OTUD7B: variants seen among roughly 807,000 people sequenced by gnomAD.
OTUD7B encodes OTU deubiquitinase 7B.
In OTUD7B, 34 loss-of-function variants were observed where a neutral mutation model predicts 82.2. The ratio of observed to expected loss-of-function variants is 0.41; its 90% CI spans 0.31 to 0.55. OTUD7B has a LOEUF of 0.55. Ranked by LOEUF, OTUD7B falls within the 20% of genes least tolerant of loss-of-function variation. The pLI, the probability that OTUD7B is intolerant of heterozygous loss-of-function variation, is 0.20. For synonymous variants in OTUD7B, 398 were observed against 402.7 expected, an observed-to-expected ratio of 0.99 and a Z score of 0.14; for missense variants, 944 against 1,062.1, an observed-to-expected ratio of 0.89 and a Z score of 1.55.
intron 7 of OTUD7B, among the ~76,000 whole-genome samples, chr1:149,950,684 C>G (rs146751613): frequency 6.6e-6 from 1 of 152,246 alleles, no homozygotes; most frequent in East Asian, 1.9e-4. Flanking sequence ...GCTTCACCAT[C>G]TATCCAGTAG....
intron 1 of OTUD7B, among the ~76,000 whole-genome samples, chr1:149,993,266 A>G (rs1341468065): frequency 3.3e-5 from 5 of 152,240 alleles, no homozygotes; most frequent in African/African-American, 1.2e-4. Context: ...GCCCACCATC[A>G]GTACAGTAGT....
chr1:150,044,673 A>AAAAAATAAT, the OTUD7B span, among the ~76,000 whole-genome samples: 2 of 149,020 alleles, frequency 1.3e-5, no homozygotes, highest in African/African-American at 5.0e-5. Context: ...CTGTCTCAAA[A>AAAAAATAAT]AATAATAATA....
intron 2 of OTUD7B, among the ~76,000 whole-genome samples, chr1:149,974,567 GT>G (rs1331075233): frequency 0.017 from 2,203 of 131,494 alleles, 147 homozygotes; most frequent in African/African-American, 0.058. Flanking sequence ...TTTTTTTTTT[GT>G]AGACAGAGTC....
the OTUD7B span, among the ~76,000 whole-genome samples, chr1:150,061,044 A>G: frequency 5.4e-4 from 2 of 3,730 alleles, no homozygotes; most frequent in African/African-American, 2.3e-3. Flanking sequence ...AAAAAACAAA[A>G]AACAAAAAAA....
chr1:150,034,025 A>G, the OTUD7B span, among the ~76,000 whole-genome samples: 2 of 152,048 alleles, frequency 1.3e-5, no homozygotes, highest in East Asian at 1.9e-4. Flanking sequence ...CAGCCTAATA[A>G]TATTATTTTA....
rs1356245586 is a variant in OTUD7B at position 149,938,993 on chromosome 1, A to C, written c.*4864T>G. 1 of 150,642 alleles carries C rather than the reference A, an allele frequency of 6.6e-6. No homozygotes were observed. The highest frequency in any genetic ancestry group is 1.5e-5 in the Non-Finnish European group (1 of 68,068). The allele number at this position is 150,642 out of a possible 1,614,324, so 9.3% of individuals were successfully genotyped here. A position where few individuals can be genotyped will look rare whatever the true frequency, so the allele number is the denominator to read the frequency against. ...ATCAGGAGGAGAAAAGAATTGGGCG[A>C]TTTGGATCAATACTTAACCAGGAAT... On this transcript the variant is annotated 3_prime_UTR_variant, in exon 12 of 12. Coordinates refer to ENST00000581312, the MANE Select transcript of OTUD7B (RefSeq NM_020205.4).
At chr1:150,022,429 A>AAAACC in the OTUD7B span, among the ~76,000 whole-genome samples, 1 of 2,532 alleles carries the variant, frequency 3.9e-4, no homozygotes, top group African/African-American at 2.1e-3. Context: ...AAAAATAACT[A>AAAACC]CATGCTGAAG....
chr1:150,061,144 G>A, the OTUD7B span, among the ~76,000 whole-genome samples: 1 of 152,138 alleles, frequency 6.6e-6, no homozygotes, highest in Non-Finnish European at 1.5e-5. Context: ...CTCTTGCCTT[G>A]GCCCGCAAAT....
intron 1 of OTUD7B, among the ~76,000 whole-genome samples, chr1:149,998,544 T>A (rs1238021749): frequency 3.3e-5 from 5 of 152,230 alleles, no homozygotes; most frequent in Non-Finnish European, 7.3e-5. Flanking sequence ...GCTATATTTC[T>A]CTCTTCTCTA....
chr1:149,967,583 A>C (rs1289528533), intron 3 of OTUD7B, 62 bp from the exon 4 acceptor site: 2 of 1,257,826 alleles, frequency 1.6e-6, no homozygotes, highest in Non-Finnish European at 2.2e-6. Flanking sequence ...CTCTACACTG[A>C]TGTGGTGATA....
chr1:150,055,528 A>T, the OTUD7B span, among the ~76,000 whole-genome samples: 4 of 152,248 alleles, frequency 2.6e-5, no homozygotes, highest in Admixed American at 6.5e-5. Flanking sequence ...CATTCGACCC[A>T]GCAATCCCAT....
Position 149,944,385 on chromosome 1 carries a change from C to T in OTUD7B, c.2004G>A (p.Glu668=). 1.2e-6 allele frequency: 2 copies of T among 1,614,064 alleles called. No individual in the cohort carries two copies. Among genetic ancestry groups the T allele is most frequent in the African/African-American group, 2.7e-5 (2 of 75,038 alleles). The change falls in exon 12 of 12, where the codon GAG becomes GAA. Residue 668 remains glutamate (E), a synonymous_variant. Coordinates refer to ENST00000581312, the MANE Select transcript of OTUD7B (RefSeq NM_020205.4). ...GGGPPPAKKP[E]PDAREEQPTG... is the part of the protein sequence containing the mutation. ...TCGGCTGCTCTTCCCTAGCATCTGG[C>T]TCTGGCTTTTTGGCTGGAGGAGGGC...
chr1:149,967,639 C>T, intron 3 of OTUD7B, 118 bp from the exon 4 acceptor site: 1 of 659,530 alleles, frequency 1.5e-6, no homozygotes, highest in Non-Finnish European at 2.4e-6. Flanking sequence ...CTAAGTCTAA[C>T]TGACTACTGA....
chr1:149,977,405 T>C lies in OTUD7B; in HGVS notation c.85+21A>G, dbSNP rs1553778805. On this transcript the variant is annotated intron_variant, in intron 2 of 11. Coordinates refer to ENST00000581312, the MANE Select transcript of OTUD7B (RefSeq NM_020205.4). ...CCACATTTTACTTTCTCTTTTCTCA[T>C]TCTCCCCTACAACTCCTCACCTTCT... The C allele has an allele frequency of 1.9e-6, 3 of 1,547,632 alleles. No individual in the cohort carries two copies. In the East Asian group the frequency reaches 6.7e-5, roughly 35 times the overall value.
At chr1:150,023,487 A>AT in the OTUD7B span, among the ~76,000 whole-genome samples, 39 of 152,240 alleles carry the variant, frequency 2.6e-4, no homozygotes, top group Admixed American at 2.6e-3. Flanking sequence ...TATTTACAAC[A>AT]TGGATGAACC....
Position 149,943,538 on chromosome 1 carries a change from T to A in OTUD7B, c.*319A>T. The A allele has an allele frequency of 3.7e-6, 1 of 270,780 alleles. No homozygotes were observed. Among genetic ancestry groups the A allele is most frequent in the East Asian group, 7.3e-5 (1 of 13,630 alleles). 16.8% of individuals were successfully genotyped at this position (270,780 alleles called of 1,614,324 possible). A position where few individuals can be genotyped will look rare whatever the true frequency, so the allele number is the denominator to read the frequency against. On this transcript the variant is annotated 3_prime_UTR_variant, in exon 12 of 12. Coordinates refer to ENST00000581312, the MANE Select transcript of OTUD7B (RefSeq NM_020205.4). ...CCTCCCACCCCCACACACCAAACCT[T>A]CCCCTGCTACTTTCTCTTAGGTCCC...
chr1:149,977,732 C>T (rs188515198), intron 1 of OTUD7B, among the ~76,000 whole-genome samples, 156 bp from the exon 2 acceptor site: 1 of 152,298 alleles, frequency 6.6e-6, no homozygotes, highest in East Asian at 1.9e-4. Flanking sequence ...TGAAGAGTAA[C>T]ATTTTATTTC....
chr1:150,027,401 C>T, the OTUD7B span, among the ~76,000 whole-genome samples: 1 of 152,214 alleles, frequency 6.6e-6, no homozygotes, highest in East Asian at 1.9e-4. Flanking sequence ...GCCTGGCCAA[C>T]GTGGTGACAT....
At chr1:150,051,177 C>T in the OTUD7B span, among the ~76,000 whole-genome samples, 5 of 133,696 alleles carry the variant, frequency 3.7e-5, no homozygotes, top group South Asian at 2.4e-4. Context: ...TGCAGTGAAC[C>T]GAGATTGCGC....
Sources: gnomAD v4.1 joint callset for allele counts (sites outside exome capture counted in the v4.1 genomes callset) on GRCh38, gnomAD v4.1.1 for gene constraint, MANE v1.5 for transcripts, NCBI Gene and HGNC (gene_info 2026-07-23, HGNC 2026-07-21) for gene names.